The following SREBF2 variants were observed in gnomAD, a reference collection of about 807,000 sequenced individuals.
SREBF2 encodes the protein sterol regulatory element binding transcription factor 2.
In SREBF2, 55 loss-of-function variants were observed where a neutral mutation model predicts 113.1. That is an observed-to-expected ratio of 0.49 (90% confidence interval 0.39 to 0.61). The LOEUF (loss-of-function observed/expected upper bound fraction) is 0.61, where lower values mean the gene tolerates loss of function less well. Among genes scored for constraint, SREBF2 ranks in the 20% least tolerant of loss-of-function variants. SREBF2 has a pLI of 0.00. For synonymous variants in SREBF2, 593 were observed against 605.7 expected, an observed-to-expected ratio of 0.98 and a Z score of 0.31; for missense variants, 1,349 against 1,487.4, an observed-to-expected ratio of 0.91 and a Z score of 1.53.
chr22:41,890,464 T>A (rs2077349285), intron 11 of SREBF2, among the ~76,000 whole-genome samples: 1 of 152,158 alleles, frequency 6.6e-6, no homozygotes, highest in African/African-American at 2.4e-5. Context: ...TTGAGAGCCA[T>A]GGGGTTAGAC....
At chr22:41,884,519 A>G (rs1317528020) in intron 10 of SREBF2, among the ~76,000 whole-genome samples, 1 of 152,208 alleles carries the variant, frequency 6.6e-6, no homozygotes, top group Non-Finnish European at 1.5e-5. Context: ...GAATGTTTGG[A>G]AACACACAGT....
Position 41,873,996 on chromosome 22 carries a change from C to A in SREBF2, c.1066C>A (p.Leu356Met). ...TGACAAAATCATCGAATTGAAAGAC[C>A]TGGTCATGGGGACAGACGCCAAGGT... ...INDKIIELKDLVMGTDAKMHK... is the reference protein window; with the variant it reads ...INDKIIELKDMVMGTDAKMHK... The change falls in exon 5 of 19, where the codon CTG becomes ATG. Residue 356 changes from leucine (L) to methionine (M), a missense_variant. This residue lies in a region of SREBF2 where 699 missense variants were observed against 843.3 expected (regional missense o/e 0.83). Transcript: ENST00000361204. The A allele has an allele frequency of 6.2e-7, 1 of 1,614,126 alleles. No individual in the cohort carries two copies. Among genetic ancestry groups the A allele is most frequent in the Non-Finnish European group, 8.5e-7 (1 of 1,180,040 alleles).
rs1392689860 is a variant in SREBF2 at position 41,873,804 on chromosome 22, G to A, written c.874G>A (p.Val292Met). 3.1e-6 allele frequency: 5 copies of A among 1,605,444 alleles called. No homozygotes were observed. The highest frequency in any genetic ancestry group is 4.3e-6 in the Non-Finnish European group (5 of 1,175,782). Residue 292 changes from valine to methionine, a missense_variant, in exon 5 of 19, where the codon GTG becomes ATG. By Grantham distance (21) the Val-to-Met change is conservative. Coordinates refer to ENST00000361204, the MANE Select transcript of SREBF2 (RefSeq NM_004599.4). Reference sequence around the variant, plus strand: ...GTACCTGTCCCTATTCTAGACCCTGGTGGGCAGCAGTGGGACCATTCTGAC... The same window carrying A: ...GTACCTGTCCCTATTCTAGACCCTGATGGGCAGCAGTGGGACCATTCTGAC... The part of the protein sequence containing the change: ...QTAALQVPTL[V>M]GSSGTILTTM...
At chr22:41,878,767 T>C in intron 9 of SREBF2, 2 of 1,301,714 alleles carry the variant, frequency 1.5e-6, no homozygotes, top group Non-Finnish European at 1.0e-6. Context: ...CAGTGAGCCA[T>C]GGGCCTGCCC....
chr22:41,850,254 C>T (rs189574446), intron 1 of SREBF2, among the ~76,000 whole-genome samples: 8 of 152,166 alleles, frequency 5.3e-5, no homozygotes, highest in African/African-American at 1.9e-4. Flanking sequence ...TCAAGACCAT[C>T]CTGGCTAACA....
intron 4 of SREBF2, among the ~76,000 whole-genome samples, chr22:41,873,276 C>A (rs1362400410): frequency 6.6e-6 from 1 of 152,054 alleles, no homozygotes; most frequent in Non-Finnish European, 1.5e-5. Flanking sequence ...AAGGGGAGAC[C>A]TCCATGGTTG....
At chr22:41,841,036 G>C (rs1240730947) in intron 1 of SREBF2, among the ~76,000 whole-genome samples, 2 of 152,222 alleles carry the variant, frequency 1.3e-5, no homozygotes, top group Non-Finnish European at 2.9e-5. Context: ...CTGTAAAGGT[G>C]TGTCTAATGA....
At position 41,906,553 on chromosome 22, in the gene SREBF2, A is replaced by G. The variant is rs890082020; in HGVS notation, c.*893A>G. 6.5e-6 allele frequency: 1 copy of G among 153,082 alleles called. No individual in the cohort carries two copies. The highest frequency in any genetic ancestry group is 1.9e-4 in the East Asian group (1 of 5,200). The allele number at this position is 153,082 out of a possible 1,614,324, so 9.5% of individuals were successfully genotyped here. On this transcript the variant is annotated 3_prime_UTR_variant, in exon 19 of 19. Coordinates refer to ENST00000361204, the MANE Select transcript of SREBF2 (RefSeq NM_004599.4). Reference sequence around the variant, plus strand: ...ACCTCCACAGTACAGACTGTCCCCAACTTAACAGTGGTTCAACTTAAACCA... The same window carrying G: ...ACCTCCACAGTACAGACTGTCCCCAGCTTAACAGTGGTTCAACTTAAACCA...
Position 41,907,108 on chromosome 22 carries a change from C to CTT in SREBF2, c.*1448_*1449insTT. 1 of 152,330 alleles carries CTT rather than the reference C, an allele frequency of 6.6e-6. No individual in the cohort carries two copies. The highest frequency in any genetic ancestry group is 2.4e-5 in the African/African-American group (1 of 41,530). The allele number at this position is 152,330 out of a possible 1,614,324, so 9.4% of individuals were successfully genotyped here. On this transcript the variant is annotated 3_prime_UTR_variant, in exon 19 of 19. Transcript: ENST00000361204. ...TGCTTTCTTTCTCTCCTGCCCCTCC[C>CTT]CTACTCTCACTGTAATTTATGGACC...
At chr22:41,862,051 G>T (rs956451890) in intron 1 of SREBF2, among the ~76,000 whole-genome samples, 4 of 151,426 alleles carry the variant, frequency 2.6e-5, no homozygotes, top group African/African-American at 9.8e-5. Flanking sequence ...ACCTGTTAAA[G>T]GATTATTGAC....
chr22:41,833,243 A>G lies in SREBF2; in HGVS notation c.-28A>G. 1.3e-6 allele frequency: 2 copies of G among 1,507,328 alleles called. No individual in the cohort carries two copies. Among genetic ancestry groups the G allele is most frequent in the Non-Finnish European group, 1.8e-6 (2 of 1,127,332 alleles). The allele number at this position is 1,507,328 out of a possible 1,614,324, so 93.4% of individuals were successfully genotyped here. A position where few individuals can be genotyped will look rare whatever the true frequency, so the allele number is the denominator to read the frequency against. The stretch of plus-strand genomic sequence containing the variant: ...CCCGCGTCTCCCTGAGCGGGACGGC[A>G]GGGGGGGCTTCTGCGCTGAGCCGGG... On this transcript the variant is annotated 5_prime_UTR_variant, in exon 1 of 19. Transcript: ENST00000361204. The surrounding 1 kb of genome is among the most constrained non-coding windows in gnomAD (Gnocchi z 4.1).
intron 11 of SREBF2, chr22:41,885,978 CCT>C (rs1379406325): frequency 2.6e-5 from 4 of 152,210 alleles, no homozygotes; most frequent in Non-Finnish European, 4.4e-5. Context: ...TTATGTCTTA[CCT>C]CTGTTTCTGG....
At chr22:41,846,747 C>G (rs2076879858) in intron 1 of SREBF2, among the ~76,000 whole-genome samples, 1 of 152,200 alleles carries the variant, frequency 6.6e-6, no homozygotes, top group Non-Finnish European at 1.5e-5. Flanking sequence ...TTCCCTCTCT[C>G]TAATTTATAA....
chr22:41,877,876 C>CT, intron 8 of SREBF2, 66 bp from the exon 9 acceptor site: 1 of 1,547,250 alleles, frequency 6.5e-7, no homozygotes, highest in Non-Finnish European at 8.9e-7. Context: ...GTGCTGGGGT[C>CT]TGTCAGGTGC....
chr22:41,889,578 A>C (rs1356192286), intron 11 of SREBF2, among the ~76,000 whole-genome samples: 2 of 152,142 alleles, frequency 1.3e-5, no homozygotes, highest in Admixed American at 1.3e-4. Flanking sequence ...CCAGCTCCTC[A>C]GGAGACTGAG....
At chr22:41,865,331 A>G (rs1456117125) in intron 1 of SREBF2, among the ~76,000 whole-genome samples, 1 of 152,198 alleles carries the variant, frequency 6.6e-6, no homozygotes, top group Non-Finnish European at 1.5e-5. Flanking sequence ...CCATAGTTCA[A>G]GAACAAGCAG....
intron 10 of SREBF2, among the ~76,000 whole-genome samples, chr22:41,882,534 G>A (rs1368468595): frequency 6.6e-6 from 1 of 152,130 alleles, no homozygotes; most frequent in East Asian, 1.9e-4. Flanking sequence ...AGGCCATCGC[G>A]GTGGCTCACA....
rs1340754564 is a variant in SREBF2 at position 41,877,989 on chromosome 22, C to T, written c.1627C>T (p.Leu543=). 6.2e-6 allele frequency: 10 copies of T among 1,613,998 alleles called. No homozygotes were observed. Among genetic ancestry groups the T allele is most frequent in the Non-Finnish European group, 8.5e-6 (10 of 1,180,050 alleles). The change falls in exon 9 of 19, where the codon CTG becomes TTG. Residue 543 remains leucine, a synonymous_variant. Transcript: ENST00000361204. ...GATGATGCCTACTCTTCTCTTATGG[C>T]TGGTAAATGGTGTGATTGTCCTGAG... The part of the protein sequence containing the change: ...DWMMPTLLLW[L]VNGVIVLSVF...
chr22:41,839,850 T>C (rs190671094), intron 1 of SREBF2, among the ~76,000 whole-genome samples: 144 of 152,328 alleles, frequency 9.5e-4, no homozygotes, highest in African/African-American at 3.2e-3. Flanking sequence ...AGTTGCTGTG[T>C]GGACATATAT....
Sources: allele counts gnomAD v4.1 joint callset (sites outside exome capture counted in the v4.1 genomes callset), GRCh38; gene constraint gnomAD v4.1.1; regional missense constraint gnomAD v4.1.1; non-coding constraint Gnocchi (gnomAD v3.1); transcripts MANE v1.5; gene names NCBI Gene and HGNC (gene_info 2026-07-23, HGNC 2026-07-21).